CYP26B1: variants seen among roughly 807,000 people sequenced by gnomAD.
CYP26B1 encodes cytochrome P450 26B1.
A neutral mutation model predicts 39.1 loss-of-function variants in CYP26B1; 8 were observed. The ratio of observed to expected loss-of-function variants is 0.20; its 90% confidence interval spans 0.12 to 0.37. CYP26B1 has a LOEUF of 0.37. CYP26B1 is among the 10% of genes least tolerant of loss of function. CYP26B1 has a pLI of 1.00. For missense variants in CYP26B1, 615 were observed against 707.0 expected (o/e 0.87, Z 1.48); for synonymous variants, 321 against 314.3 (o/e 1.02, Z -0.23).
intron 2 of CYP26B1, among the ~76,000 whole-genome samples, chr2:72,137,284 C>T (rs1676805490): frequency 1.3e-5 from 2 of 152,186 alleles, no homozygotes; most frequent in Admixed American, 1.3e-4. Flanking sequence ...TGTAACTGTG[C>T]ATCATCCAGC....
chr2:72,136,994 C>T (rs1327641101), intron 2 of CYP26B1, among the ~76,000 whole-genome samples: 1 of 152,196 alleles, frequency 6.6e-6, no homozygotes, highest in African/African-American at 2.4e-5. Flanking sequence ...AGGAAAATCA[C>T]TCTGCGGCTA....
chr2:72,136,168 G>C (rs1280975837), intron 2 of CYP26B1, among the ~76,000 whole-genome samples: 1 of 152,142 alleles, frequency 6.6e-6, no homozygotes, highest in Non-Finnish European at 1.5e-5. Flanking sequence ...TTTACCAAAA[G>C]CCTGTGGGTC....
chr2:72,136,224 A>T (rs1676770456), intron 2 of CYP26B1, among the ~76,000 whole-genome samples: 2 of 152,178 alleles, frequency 1.3e-5, no homozygotes, highest in African/African-American at 4.8e-5. Flanking sequence ...TCAGATGAGA[A>T]GGGGGAGCAC....
chr2:72,139,335 G>T (rs76273241), intron 2 of CYP26B1, among the ~76,000 whole-genome samples: 1 of 152,186 alleles, frequency 6.6e-6, no homozygotes, highest in Non-Finnish European at 1.5e-5. Flanking sequence ...TCAAGCAAGG[G>T]GGGTAAGAGA....
chr2:72,135,041 C>G (rs1676721085), intron 3 of CYP26B1, 103 bp downstream of exon 3: 1 of 1,601,586 alleles, frequency 6.2e-7, no homozygotes. Context: ...TCCATGTGCC[C>G]TGTGCCTAGG....
At chr2:72,134,723 T>C (rs1458090935) in intron 4 of CYP26B1, 38 bp downstream of exon 4, 3 of 1,592,562 alleles carry the variant, frequency 1.9e-6, no homozygotes, top group African/African-American at 2.7e-5. Flanking sequence ...GGAGCCTGGG[T>C]GCTGGTGCTG....
intron 1 of CYP26B1, among the ~76,000 whole-genome samples, chr2:72,145,902 A>G (rs776024234): frequency 2.6e-5 from 4 of 152,206 alleles, no homozygotes; most frequent in Non-Finnish European, 4.4e-5. Flanking sequence ...CGCTCGGTGG[A>G]AACGGAGAGC....
At chr2:72,134,718 CTGGGTGCTGGTGCTGCCCG>C in intron 4 of CYP26B1, 24 bp downstream of exon 4, 1 of 1,588,286 alleles carries the variant, frequency 6.3e-7, no homozygotes, top group Non-Finnish European at 8.6e-7. Context: ...AGAATGGAGC[CTGGGTGCTGGTGCTGCCCG>C]TGAGGGGCAC....
Position 72,132,500 on chromosome 2 carries a change from G to A in CYP26B1, c.1266C>T (p.Ser422=), listed in dbSNP as rs1436766682. 3.1e-6 allele frequency: 5 copies of A among 1,612,394 alleles called. No individual in the cohort carries two copies. The highest frequency in any genetic ancestry group is 2.7e-5 in the African/African-American group (2 of 74,924). Residue 422 remains serine (S), a synonymous_variant, in exon 6 of 6, where the codon AGC becomes AGT. Coordinates refer to ENST00000001146, the MANE Select transcript of CYP26B1 (RefSeq NM_019885.4). ...FDPDRFSQAR[S]EDKDGRFHYL... is the part of the protein sequence containing the mutation. ...AATGGAAGCGGCCATCCTTGTCCTC[G>A]CTCCGCGCCTGGCTGAAGCGATCGG...
intron 5 of CYP26B1, 137 bp downstream of exon 5, chr2:72,132,886 A>G: frequency 6.9e-7 from 1 of 1,454,456 alleles, no homozygotes; most frequent in Admixed American, 2.0e-5. Context: ...CTCCCATCGG[A>G]CTGAAAGCTC....
At chr2:72,144,282 G>A (rs1677050151) in intron 1 of CYP26B1, 69 bp from the exon 2 acceptor site, 1 of 1,548,924 alleles carries the variant, frequency 6.5e-7, no homozygotes, top group Non-Finnish European at 8.7e-7. Flanking sequence ...GAGGGGCGGC[G>A]GACCCCAACC....
chr2:72,135,450 G>T (rs368359231), intron 2 of CYP26B1, 31 bp from the exon 3 acceptor site: 6 of 1,602,634 alleles, frequency 3.7e-6, no homozygotes, highest in Admixed American at 1.7e-5. Context: ...TGGGTGAGCC[G>T]ATTGGCACAG....
chr2:72,142,405 G>C (rs977257128), intron 2 of CYP26B1, among the ~76,000 whole-genome samples: 2 of 152,186 alleles, frequency 1.3e-5, no homozygotes, highest in Non-Finnish European at 2.9e-5. Flanking sequence ...ACTCTCCTCC[G>C]GGGCCCAGAG....
In CYP26B1 at chr2:72,147,840, C is replaced by T. The variant is rs932444426; in HGVS notation, c.-6G>A. ...TCCAAGCCCTCAAAGAGCATGTTGG[C>T]GGCCGCTCGGGGGATTGGCTGTGCC... On this transcript the variant is annotated 5_prime_UTR_variant, in exon 1 of 6. Coordinates refer to ENST00000001146, the MANE Select transcript of CYP26B1 (RefSeq NM_019885.4). This position sits in a 1 kb window ranked among gnomAD's most constrained non-coding sequence, Gnocchi z 6.1. The T allele has an allele frequency of 5.0e-6, 7 of 1,401,872 alleles. No homozygotes were observed. The highest frequency in any genetic ancestry group is 1.3e-5 in the South Asian group (1 of 79,230). 86.8% of individuals were successfully genotyped at this position (1,401,872 alleles called of 1,614,324 possible). A position where few individuals can be genotyped will look rare whatever the true frequency, so the allele number is the denominator to read the frequency against.
At position 72,143,876 on chromosome 2, in the gene CYP26B1, A is replaced by G. The variant is rs1677032348; in HGVS notation, c.429+113T>C. Reference sequence around the variant, plus strand: ...GCGGGGAACTGCGGAGTCTTCAAGCATGGTGTGCAAAGGGGGGCACAGATT... The same window carrying G: ...GCGGGGAACTGCGGAGTCTTCAAGCGTGGTGTGCAAAGGGGGGCACAGATT... On this transcript the variant is annotated intron_variant, in intron 2 of 5. Coordinates refer to ENST00000001146, the MANE Select transcript of CYP26B1 (RefSeq NM_019885.4). 7 of 1,289,524 alleles carry G rather than the reference A, an allele frequency of 5.4e-6. No individual in the cohort carries two copies. The Admixed American group carries it at 7.8e-5, about 14-fold the overall frequency. The allele number at this position is 1,289,524 out of a possible 1,614,324, so 79.9% of individuals were successfully genotyped here. A position where few individuals can be genotyped will look rare whatever the true frequency, so the allele number is the denominator to read the frequency against.
chr2:72,147,609 A>C lies in CYP26B1; in HGVS notation c.204+22T>G. 1 of 1,598,718 alleles carries C rather than the reference A, an allele frequency of 6.3e-7. No homozygotes were observed. The highest frequency in any genetic ancestry group is 8.5e-7 in the Non-Finnish European group (1 of 1,174,332). On this transcript the variant is annotated intron_variant, in intron 1 of 5. Coordinates refer to ENST00000001146, the MANE Select transcript of CYP26B1 (RefSeq NM_019885.4). This position sits in a 1 kb window ranked among gnomAD's most constrained non-coding sequence, Gnocchi z 6.1. Reference sequence around the variant, plus strand: ...TCGCAGCTAGCGGACCCCGGAGTGCAGCGGAGCGAGCGCGCCCTTACCTGC... The same window carrying C: ...TCGCAGCTAGCGGACCCCGGAGTGCCGCGGAGCGAGCGCGCCCTTACCTGC...
chr2:72,138,203 G>T (rs748228915), intron 2 of CYP26B1, among the ~76,000 whole-genome samples: 13 of 152,164 alleles, frequency 8.5e-5, no homozygotes, highest in Admixed American at 7.2e-4. Context: ...ACAGACATAG[G>T]GGCCTCCCAG....
At chr2:72,135,018 C>A (rs1676720517) in intron 3 of CYP26B1, 102 bp from the exon 4 acceptor site, 1 of 1,600,286 alleles carries the variant, frequency 6.2e-7, no homozygotes, top group South Asian at 1.1e-5. Context: ...CACGCTGACA[C>A]CTCTCCCCTT....
chr2:72,143,822 G>A (rs1279637716), intron 2 of CYP26B1, among the ~76,000 whole-genome samples, 167 bp downstream of exon 2: 1 of 152,234 alleles, frequency 6.6e-6, no homozygotes, highest in African/African-American at 2.4e-5. Context: ...GCCGGAGCAG[G>A]CCCTGGATCC....
Sources: allele counts gnomAD v4.1 joint callset (sites outside exome capture counted in the v4.1 genomes callset), GRCh38; gene constraint gnomAD v4.1.1; non-coding constraint Gnocchi (gnomAD v3.1); transcripts MANE v1.5; gene names NCBI Gene and HGNC (gene_info 2026-07-23, HGNC 2026-07-21).